Variants in LMTK2 observed in about 807,000 individuals in gnomAD.
The protein encoded by LMTK2 is lemur tail kinase 2.
LMTK2 carries 37 observed loss-of-function variants against 127.5 expected under a neutral mutation model. The observed-to-expected ratio is 0.29, with a 90% CI of 0.22 to 0.38. LMTK2 has a LOEUF of 0.38. Ranked by LOEUF, LMTK2 falls within the 10% of genes least tolerant of loss-of-function variation. The pLI is 1.00. For missense variants in LMTK2, 1,694 were observed against 1,920.3 expected, an observed-to-expected ratio of 0.88 and a Z score of 2.20; for synonymous variants, 819 against 810.1, an observed-to-expected ratio of 1.01 and a Z score of -0.19.
chr7:98,203,919 G>A (rs1270142016), intron 12 of LMTK2, 25 bp from the exon 13 acceptor site: 1 of 1,611,618 alleles, frequency 6.2e-7, no homozygotes, highest in South Asian at 1.1e-5. Flanking sequence ...GATAAAAAGG[G>A]TGGGGTTTTA....
At chr7:98,168,770 A>G (rs12537502) in intron 6 of LMTK2, among the ~76,000 whole-genome samples, 8,534 of 152,170 alleles carry the variant, frequency 0.056, 668 homozygotes, top group East Asian at 0.37. Flanking sequence ...TGCTCTGCTG[A>G]TGGAGAGCTT....
At chr7:98,137,708 A>C (rs1290599839) in intron 2 of LMTK2, among the ~76,000 whole-genome samples, 1 of 152,146 alleles carries the variant, frequency 6.6e-6, no homozygotes, top group East Asian at 1.9e-4. Flanking sequence ...CACAAATAGG[A>C]GGTTTGGATT....
intron 9 of LMTK2, among the ~76,000 whole-genome samples, chr7:98,188,230 G>A (rs540423076): frequency 1.3e-5 from 2 of 151,848 alleles, no homozygotes; most frequent in South Asian, 2.1e-4. Flanking sequence ...TATCTTCCAC[G>A]AGTGATGAGG....
In LMTK2 at chr7:98,194,695, C is replaced by A; in HGVS notation, c.4107+123C>A. 1 of 870,470 alleles carries A rather than the reference C, an allele frequency of 1.1e-6. No homozygotes were observed. The highest frequency in any genetic ancestry group is 2.7e-5 in the East Asian group (1 of 37,350). The allele number at this position is 870,470 out of a possible 1,614,324, so 53.9% of individuals were successfully genotyped here. Reference sequence around the variant, plus strand: ...TGAGGCAGCAGATTGTGATTACTCACAAAAAGTAATTTGGGGTTGGTTAGA... The same window carrying A: ...TGAGGCAGCAGATTGTGATTACTCAAAAAAAGTAATTTGGGGTTGGTTAGA... On this transcript the variant is annotated intron_variant, in intron 11 of 13. Coordinates refer to ENST00000297293, the MANE Select transcript of LMTK2 (RefSeq NM_014916.4). This position sits in a 1 kb window ranked among gnomAD's most constrained non-coding sequence, Gnocchi z 5.4.
At chr7:98,173,378 T>C (rs1023838956) in intron 7 of LMTK2, among the ~76,000 whole-genome samples, 1 of 152,112 alleles carries the variant, frequency 6.6e-6, no homozygotes, top group Non-Finnish European at 1.5e-5. Flanking sequence ...TATATGAAGC[T>C]TTATAAAGAT....
chr7:98,108,710 T>C (rs1448736490), intron 1 of LMTK2, among the ~76,000 whole-genome samples: 1 of 152,182 alleles, frequency 6.6e-6, no homozygotes, highest in East Asian at 1.9e-4. Context: ...ATATTGATAT[T>C]GAAAGTTAGC....
intron 2 of LMTK2, among the ~76,000 whole-genome samples, chr7:98,138,562 A>T (rs1411601647): frequency 6.6e-6 from 1 of 152,180 alleles, no homozygotes; most frequent in Non-Finnish European, 1.5e-5. Flanking sequence ...ATCAGTCCCT[A>T]GGCCTTAGAA....
chr7:98,136,014 T>C (rs370252011), intron 1 of LMTK2, among the ~76,000 whole-genome samples: 3 of 151,874 alleles, frequency 2.0e-5, no homozygotes, highest in East Asian at 3.9e-4. Flanking sequence ...CTTGGAGCAA[T>C]GGCTGGTTCT....
chr7:98,161,410 C>G (rs1797014503), intron 6 of LMTK2, among the ~76,000 whole-genome samples: 1 of 152,166 alleles, frequency 6.6e-6, no homozygotes, highest in African/African-American at 2.4e-5. Flanking sequence ...CCCATATTCT[C>G]TGCCATTGTG....
At chr7:98,205,404 T>C in intron 13 of LMTK2, 60 bp from the exon 14 acceptor site, 1 of 1,606,254 alleles carries the variant, frequency 6.2e-7, no homozygotes, top group Non-Finnish European at 8.5e-7. Context: ...ATCCACGCCA[T>C]GCCTGTCTGA....
chr7:98,168,177 G>A (rs904573842), intron 6 of LMTK2, among the ~76,000 whole-genome samples: 1 of 150,094 alleles, frequency 6.7e-6, no homozygotes, highest in Non-Finnish European at 1.5e-5. Context: ...GCTGGGGAGG[G>A]GAGGGCTGGG....
At chr7:98,140,114 CTT>C (rs1554386844) in intron 2 of LMTK2, among the ~76,000 whole-genome samples, 1 of 7,502 alleles carries the variant, frequency 1.3e-4, no homozygotes, top group African/African-American at 5.3e-4. Flanking sequence ...TTCTTTCTTT[CTT>C]TCTTTCTTTC....
chr7:98,170,587 C>T (rs1797168375), intron 6 of LMTK2, among the ~76,000 whole-genome samples: 1 of 150,638 alleles, frequency 6.6e-6, no homozygotes, highest in South Asian at 2.1e-4. Context: ...CTTTTCTTGA[C>T]TCAGATTTAA....
intron 1 of LMTK2, among the ~76,000 whole-genome samples, chr7:98,111,202 A>G (rs1450607329): frequency 1.3e-5 from 2 of 152,222 alleles, no homozygotes; most frequent in African/African-American, 4.8e-5. Context: ...TTTGCTGATA[A>G]TCAGTGTGCT....
At chr7:98,137,196 C>G in intron 1 of LMTK2, 119 bp from the exon 2 acceptor site, 1 of 887,120 alleles carries the variant, frequency 1.1e-6, no homozygotes, top group Non-Finnish European at 1.7e-6. Context: ...AGCTTTTTCT[C>G]GAGCATTATT....
intron 1 of LMTK2, among the ~76,000 whole-genome samples, chr7:98,124,165 G>A (rs1796409468): frequency 2.0e-5 from 3 of 152,096 alleles, no homozygotes; most frequent in African/African-American, 7.2e-5. Context: ...TTAATAAATG[G>A]ATTGGAGGTG....
intron 7 of LMTK2, among the ~76,000 whole-genome samples, chr7:98,181,347 C>T (rs1237817581): frequency 6.6e-6 from 1 of 152,200 alleles, no homozygotes; most frequent in Non-Finnish European, 1.5e-5. Flanking sequence ...GCAATCATAG[C>T]CCATTGTAGC....
chr7:98,166,582 C>A (rs2177516), intron 6 of LMTK2, among the ~76,000 whole-genome samples: 8,069 of 150,510 alleles, frequency 0.054, 626 homozygotes, highest in East Asian at 0.37. Context: ...TTGAGAAAGA[C>A]AAAATTTTTA....
At chr7:98,198,289 C>G (rs569893462) in intron 11 of LMTK2, among the ~76,000 whole-genome samples, 34 of 151,802 alleles carry the variant, frequency 2.2e-4, no homozygotes, top group African/African-American at 8.0e-4. Context: ...CTCCCGCGTT[C>G]AAGCAATTCT....
Sources: gnomAD v4.1 joint callset for allele counts (sites outside exome capture counted in the v4.1 genomes callset) on GRCh38, gnomAD v4.1.1 for gene constraint, Gnocchi (gnomAD v3.1) non-coding constraint, MANE v1.5 for transcripts, NCBI Gene and HGNC (gene_info 2026-07-23, HGNC 2026-07-21) for gene names.